GXYLT1: variants seen among roughly 807,000 people sequenced by gnomAD.
GXYLT1 encodes the protein glucoside xylosyltransferase 1.
Under a neutral mutation model 54.0 loss-of-function variants are expected in GXYLT1, and 29 were observed. That is an observed-to-expected ratio of 0.54 (90% CI 0.40 to 0.73). The LOEUF (loss-of-function observed/expected upper bound fraction) is 0.73. Among genes scored for constraint, GXYLT1 ranks in the 30% least tolerant of loss-of-function variants. The pLI, the probability that GXYLT1 is intolerant of heterozygous loss-of-function variation, is 0.00. For missense variants in GXYLT1, 490 were observed against 553.4 expected, an observed-to-expected ratio of 0.89 and a Z score of 1.15; for synonymous variants, 176 against 204.1, an observed-to-expected ratio of 0.86 and a Z score of 1.17.
At chr12:42,132,315 T>C (rs1243726065) in intron 1 of GXYLT1, among the ~76,000 whole-genome samples, 3 of 152,194 alleles carry the variant, frequency 2.0e-5, no homozygotes, top group East Asian at 1.9e-4. Context: ...AGAAACATTG[T>C]GTATCAAGGA....
chr12:42,122,929 T>C (rs1200810693), intron 2 of GXYLT1, among the ~76,000 whole-genome samples: 2 of 152,186 alleles, frequency 1.3e-5, no homozygotes, highest in Admixed American at 1.3e-4. Flanking sequence ...CCTGATAGCA[T>C]GCCCAAAGAA....
At chr12:42,122,856 A>G (rs1222442140) in intron 2 of GXYLT1, among the ~76,000 whole-genome samples, 3 of 152,238 alleles carry the variant, frequency 2.0e-5, no homozygotes, top group Admixed American at 6.5e-5. Context: ...TAGAAATGCA[A>G]GAACATCACC....
At chr12:42,110,236 T>TG (rs2065445107) in intron 3 of GXYLT1, among the ~76,000 whole-genome samples, 2 of 152,336 alleles carry the variant, frequency 1.3e-5, no homozygotes, top group South Asian at 4.1e-4. Context: ...AAAATGTATC[T>TG]GAAAATCTAT....
intron 5 of GXYLT1, among the ~76,000 whole-genome samples, chr12:42,099,536 A>AG (rs2065377562): frequency 1.3e-5 from 2 of 152,160 alleles, no homozygotes; most frequent in Non-Finnish European, 2.9e-5. Context: ...CTCCATGCTG[A>AG]GAACCACTAT....
chr12:42,128,719 G>C (rs1414483124), intron 2 of GXYLT1, among the ~76,000 whole-genome samples: 2 of 151,936 alleles, frequency 1.3e-5, no homozygotes, highest in African/African-American at 4.8e-5. Flanking sequence ...TTGTTTTTTT[G>C]AGACAGGGTC....
intron 7 of GXYLT1, among the ~76,000 whole-genome samples, chr12:42,089,936 G>A (rs532698988): frequency 6.6e-6 from 1 of 152,264 alleles, no homozygotes; most frequent in South Asian, 2.1e-4. Flanking sequence ...AGAAAATTAT[G>A]GGAAGCCCAA....
At chr12:42,144,056 TA>T (rs1273158210) in intron 1 of GXYLT1, among the ~76,000 whole-genome samples, 2 of 152,200 alleles carry the variant, frequency 1.3e-5, no homozygotes, top group African/African-American at 4.8e-5. Flanking sequence ...GCCTCATGTT[TA>T]AATATCTCAA....
chr12:42,137,266 T>C (rs1170575482), intron 1 of GXYLT1, among the ~76,000 whole-genome samples: 3 of 152,048 alleles, frequency 2.0e-5, no homozygotes, highest in East Asian at 3.9e-4. Flanking sequence ...CCCAGCACTT[T>C]GGGAGGCCGA....
intron 1 of GXYLT1, 118 bp downstream of exon 1, chr12:42,144,306 CAG>C: frequency 1.7e-6 from 1 of 578,726 alleles, no homozygotes; most frequent in Non-Finnish European, 2.6e-6. Context: ...AGTGAGGGGT[CAG>C]AGACAGGAGG....
At chr12:42,092,960 G>A (rs34669984) in intron 7 of GXYLT1, among the ~76,000 whole-genome samples, 21,664 of 152,156 alleles carry the variant, frequency 0.14, 1,679 homozygotes, top group Non-Finnish European at 0.18. Context: ...GCGGCCCACT[G>A]GCCACAGGTT....
chr12:42,114,160 G>A (rs2065477462), intron 3 of GXYLT1, among the ~76,000 whole-genome samples: 1 of 152,176 alleles, frequency 6.6e-6, no homozygotes, highest in Non-Finnish European at 1.5e-5. Context: ...ACCACTAAAT[G>A]CCCACAAGAG....
chr12:42,119,325 G>A (rs7977365), intron 2 of GXYLT1, among the ~76,000 whole-genome samples, 154 bp from the exon 3 acceptor site: 51,482 of 151,938 alleles, frequency 0.34, 9,220 homozygotes, highest in South Asian at 0.48. Flanking sequence ...AGGATCACTT[G>A]AAACCAAGAG....
chr12:42,095,183 T>C (rs1269310374), intron 7 of GXYLT1, among the ~76,000 whole-genome samples: 1 of 152,170 alleles, frequency 6.6e-6, no homozygotes, highest in African/African-American at 2.4e-5. Context: ...ACAGACTGTC[T>C]CACAAATCAT....
At chr12:42,136,162 A>C (rs1344697922) in intron 1 of GXYLT1, among the ~76,000 whole-genome samples, 1 of 152,246 alleles carries the variant, frequency 6.6e-6, no homozygotes, top group African/African-American at 2.4e-5. Flanking sequence ...GTAGAAACTC[A>C]CACTGAGAAC....
At chr12:42,116,414 T>G (rs4505121) in intron 3 of GXYLT1, among the ~76,000 whole-genome samples, 148,562 of 152,246 alleles carry the variant, frequency 0.98, 72,593 homozygotes, top group Middle Eastern at 1. Context: ...AATCTACAAT[T>G]AACTCAAAAC....
intron 4 of GXYLT1, among the ~76,000 whole-genome samples, chr12:42,107,201 T>A (rs577119468): frequency 3.3e-5 from 5 of 152,336 alleles, no homozygotes; most frequent in Non-Finnish European, 7.3e-5. Flanking sequence ...TGATCCTAGT[T>A]CTGCTACTTT....
At chr12:42,102,188 T>C (rs1418880006) in intron 5 of GXYLT1, among the ~76,000 whole-genome samples, 1 of 152,196 alleles carries the variant, frequency 6.6e-6, no homozygotes, top group Non-Finnish European at 1.5e-5. Context: ...GCCTGTCCTA[T>C]ACATACATAT....
intron 2 of GXYLT1, among the ~76,000 whole-genome samples, chr12:42,127,337 G>C (rs143070414): frequency 2.3e-5 from 3 of 129,246 alleles, no homozygotes; most frequent in African/African-American, 8.3e-5. Context: ...ATAATTATAT[G>C]ACACAAAATG....
At chr12:42,101,594 C>T (rs1339826981) in intron 5 of GXYLT1, among the ~76,000 whole-genome samples, 1 of 149,898 alleles carries the variant, frequency 6.7e-6, no homozygotes, top group East Asian at 2.0e-4. Flanking sequence ...TTTTTTGAGA[C>T]AGAGTCTCAC....
Sources: allele counts gnomAD v4.1 joint callset (sites outside exome capture counted in the v4.1 genomes callset), GRCh38; gene constraint gnomAD v4.1.1; transcripts MANE v1.5; gene names NCBI Gene and HGNC (gene_info 2026-07-23, HGNC 2026-07-21).